PRKN: variants seen among roughly 807,000 people sequenced by gnomAD.
The protein encoded by PRKN is E3 ubiquitin-protein ligase parkin.
Under a neutral mutation model 59.5 loss-of-function variants are expected in PRKN, and 56 were observed. The ratio of observed to expected loss-of-function variants is 0.94; its 90% CI spans 0.76 to 1.18. The LOEUF is 1.18. Ranked by LOEUF, PRKN falls within the 50% of genes most tolerant of loss-of-function variation. PRKN has a pLI of 0.00. For missense variants in PRKN, 657 were observed against 596.4 expected (o/e 1.10, Z -1.06); for synonymous variants, 250 against 222.1 (o/e 1.13, Z -1.12).
intron 9 of PRKN, among the ~76,000 whole-genome samples, chr6:161,398,834 TGAG>T (rs1274081496): frequency 6.6e-6 from 1 of 151,976 alleles, no homozygotes; most frequent in African/African-American, 2.4e-5. Context: ...CAGGTTGTAG[TGAG>T]GAGATGAGGA....
intron 1 of PRKN, among the ~76,000 whole-genome samples, chr6:162,561,423 G>A (rs897454163): frequency 2.0e-5 from 3 of 151,926 alleles, no homozygotes; most frequent in East Asian, 1.9e-4. Flanking sequence ...TCCACCGTTC[G>A]TCCCCCGACC....
chr6:162,616,107 T>A (rs531676335), intron 1 of PRKN, among the ~76,000 whole-genome samples: 1 of 152,304 alleles, frequency 6.6e-6, no homozygotes, highest in East Asian at 1.9e-4. Context: ...TCCAAATGTA[T>A]CCTTCTCTCC....
intron 6 of PRKN, among the ~76,000 whole-genome samples, chr6:161,835,689 T>C (rs1024528003): frequency 6.6e-6 from 1 of 152,232 alleles, no homozygotes; most frequent in Non-Finnish European, 1.5e-5. Context: ...GTGCAAACTT[T>C]GCTTGTAGGC....
At chr6:161,757,879 A>G (rs1030243883) in intron 7 of PRKN, among the ~76,000 whole-genome samples, 33 of 19,260 alleles carry the variant, frequency 1.7e-3, no homozygotes, top group Non-Finnish European at 3.3e-3. Context: ...CTCTGTGTAT[A>G]TATATATACA....
At chr6:161,883,739 A>C (rs1795030744) in intron 6 of PRKN, among the ~76,000 whole-genome samples, 1 of 151,762 alleles carries the variant, frequency 6.6e-6, no homozygotes, top group Non-Finnish European at 1.5e-5. Flanking sequence ...TGAAACTTCC[A>C]CCCCTTGGAT....
rs113882385 is a variant in PRKN at position 162,524,715 on chromosome 6, G to C, written c.8-81242C>G. On this transcript the variant is annotated intron_variant, in intron 1 of 11. Transcript: ENST00000366898. ...AGGGCTAGCTTAGGAAGACTAACTA[G>C]TTTGAGGTAAGTTTGCAAACTAAAA... is the stretch of plus-strand genomic sequence containing the variant. Among the ~76,000 whole-genome samples the C allele has an allele frequency of 5.7e-3, 874 of 152,294 alleles. 9 individuals carry two copies. Among genetic ancestry groups the C allele is most frequent in the Non-Finnish European group, 8.5e-3 (575 of 68,010 alleles).
chr6:162,135,358 T>C (rs1781526235), intron 4 of PRKN, among the ~76,000 whole-genome samples: 1 of 152,164 alleles, frequency 6.6e-6, no homozygotes, highest in South Asian at 2.1e-4. Context: ...CGATTAGTTG[T>C]CCTAACTGAA....
intron 6 of PRKN, among the ~76,000 whole-genome samples, chr6:161,858,367 C>T (rs1398913351): frequency 6.6e-6 from 1 of 152,152 alleles, no homozygotes; most frequent in African/African-American, 2.4e-5. Context: ...CATTGGTTCT[C>T]CATTTGTAGC....
chr6:162,285,266 A>ATTTTTT lies in PRKN; in HGVS notation c.172-22507_172-22502dup, dbSNP rs11392809. ...AGGGATCTTCACAGATATTTTGGAG[A>ATTTTTT]TTTTTTTTTTTTTTTTTTTTTTTTT... On this transcript the variant is annotated intron_variant, in intron 2 of 11. Coordinates refer to ENST00000366898, the MANE Select transcript of PRKN (RefSeq NM_004562.3). 7.5e-4 allele frequency among the ~76,000 whole-genome samples: 72 copies of ATTTTTT among 95,924 alleles called. 1 individual carries two copies. The highest frequency in any genetic ancestry group is 2.0e-3 in the African/African-American group (50 of 24,948). 62.9% of individuals were successfully genotyped at this position (95,924 alleles called of 152,430 possible).
In PRKN at chr6:161,477,620, TTG is replaced by T. The variant is rs201205981; in HGVS notation, c.1083+71232_1083+71233del. Reference sequence around the variant, plus strand: ...GTTGCAGCATAGAAGAAAATTAACTTTGTTTGGTGGATAATCATTGGAAGTGT... The same window carrying T: ...GTTGCAGCATAGAAGAAAATTAACTTTTTGGTGGATAATCATTGGAAGTGT... On this transcript the variant is annotated intron_variant, in intron 9 of 11. Coordinates refer to ENST00000366898, the MANE Select transcript of PRKN (RefSeq NM_004562.3). Among the ~76,000 whole-genome samples, 678 of 152,250 alleles carry T rather than the reference TTG, an allele frequency of 4.5e-3. 9 individuals carry two copies. Among genetic ancestry groups the T allele is most frequent in the East Asian group, 0.024 (122 of 5,170 alleles).
At position 161,518,187 on chromosome 6, in the gene PRKN, C is replaced by T. The variant is rs1778686508; in HGVS notation, c.1083+30667G>A. Among the ~76,000 whole-genome samples the T allele has an allele frequency of 6.6e-6, 1 of 152,158 alleles. No individual in the cohort carries two copies. Among genetic ancestry groups the T allele is most frequent in the Non-Finnish European group, 1.5e-5 (1 of 68,034 alleles). On this transcript the variant is annotated intron_variant, in intron 9 of 11. Coordinates refer to ENST00000366898, the MANE Select transcript of PRKN (RefSeq NM_004562.3). This position sits in a 1 kb window ranked among gnomAD's most constrained non-coding sequence, Gnocchi z 5.0. ...TGGCAGCTGGACAGTGACTCCACAC[C>T]ATGGGGCCGGGGAGGTGGCAACATA...
chr6:162,713,982 C>T (rs1012586873), intron 1 of PRKN, among the ~76,000 whole-genome samples: 6 of 152,074 alleles, frequency 3.9e-5, no homozygotes, highest in Non-Finnish European at 7.4e-5. Context: ...CACTTGTCTC[C>T]GTAATTCAAT....
intron 6 of PRKN, among the ~76,000 whole-genome samples, chr6:161,971,714 T>A (rs1240265601): frequency 2.0e-5 from 3 of 146,788 alleles, no homozygotes; most frequent in Non-Finnish European, 4.5e-5. Context: ...GTTCAACAGA[T>A]GCTGTTAAGG....
chr6:162,091,815 C>T (rs80326855), intron 4 of PRKN, among the ~76,000 whole-genome samples: 1 of 151,574 alleles, frequency 6.6e-6, no homozygotes, highest in Non-Finnish European at 1.5e-5. Flanking sequence ...GGTGGGCGGA[C>T]CACTTGGGCC....
chr6:162,673,681 C>T (rs563185372), intron 1 of PRKN, among the ~76,000 whole-genome samples: 211 of 152,288 alleles, frequency 1.4e-3, no homozygotes, highest in African/African-American at 4.9e-3. Flanking sequence ...CCAACACGCC[C>T]AGCCTAGATT....
intron 1 of PRKN, among the ~76,000 whole-genome samples, chr6:162,656,715 C>G (rs1778656639): frequency 6.6e-6 from 1 of 152,178 alleles, no homozygotes; most frequent in Non-Finnish European, 1.5e-5. Context: ...ACCATCCCAA[C>G]ACAATCCTGA....
chr6:161,748,683 G>A (rs993683910), intron 7 of PRKN, among the ~76,000 whole-genome samples: 21 of 152,146 alleles, frequency 1.4e-4, no homozygotes, highest in African/African-American at 5.1e-4. Flanking sequence ...ATTTTCTGCA[G>A]GTGCCTTTAG....
At chr6:161,621,830 G>A (rs977546082) in intron 7 of PRKN, among the ~76,000 whole-genome samples, 2 of 152,106 alleles carry the variant, frequency 1.3e-5, no homozygotes, top group Non-Finnish European at 2.9e-5. Context: ...GGAAGGAGAC[G>A]TGCTCTACAA....
rs557942901 is a variant in PRKN, at chr6:162,205,621, T to G, written c.413-4369A>C. 1.2e-4 allele frequency among the ~76,000 whole-genome samples: 18 copies of G among 152,270 alleles called. 2 individuals carry two copies. In the East Asian group the frequency reaches 3.5e-3, roughly 29 times the overall value. Reference sequence around the variant, plus strand: ...AGCAAAACAGCAGGAACAGGACGGATTTTAAGTGATATTTATCACATGAGC... The same window carrying G: ...AGCAAAACAGCAGGAACAGGACGGAGTTTAAGTGATATTTATCACATGAGC... On this transcript the variant is annotated intron_variant, in intron 3 of 11. Coordinates refer to ENST00000366898, the MANE Select transcript of PRKN (RefSeq NM_004562.3).
Sources: gnomAD v4.1 joint callset for allele counts (sites outside exome capture counted in the v4.1 genomes callset) on GRCh38, gnomAD v4.1.1 for gene constraint, Gnocchi (gnomAD v3.1) non-coding constraint, MANE v1.5 for transcripts, NCBI Gene and HGNC (gene_info 2026-07-23, HGNC 2026-07-21) for gene names.